SMARCC2: variants seen among roughly 807,000 people sequenced by gnomAD.
SMARCC2 encodes the protein SWI/SNF related BAF chromatin remodeling complex subunit C2, also known as SWI/SNF complex subunit SMARCC2.
In SMARCC2, 15 loss-of-function variants were observed where a neutral mutation model predicts 151.3. The observed-to-expected ratio is 0.10, with a 90% CI of 0.07 to 0.15. SMARCC2 has a LOEUF of 0.15. Ranked by LOEUF, SMARCC2 falls within the 10% of genes least tolerant of loss-of-function variation. SMARCC2 has a pLI of 1.00. For synonymous variants in SMARCC2, 590 were observed against 609.5 expected (o/e 0.97, Z 0.47); for missense variants, 1,031 against 1,599.7 (o/e 0.64, Z 6.06).
Position 56,170,281 on chromosome 12 carries a change from T to A in SMARCC2, c.2348-73A>T, listed in dbSNP as rs570503109. 9,859 of 1,308,156 alleles carry A rather than the reference T, an allele frequency of 7.5e-3. 73 individuals are homozygous for A. The highest frequency in any genetic ancestry group is 8.1e-3 in the Non-Finnish European group (7,465 of 917,020). 81.0% of individuals were successfully genotyped at this position (1,308,156 alleles called of 1,614,324 possible). On this transcript the variant is annotated intron_variant, in intron 22 of 28. Transcript: ENST00000550164. ...TCGTCTGTGTCTAACACTTTTCTTTTTTTTTAGAGACAGGGTCTTGCTGTG... is the reference window on the plus strand; with the variant it reads ...TCGTCTGTGTCTAACACTTTTCTTTATTTTTAGAGACAGGGTCTTGCTGTG...
intron 15 of SMARCC2, among the ~76,000 whole-genome samples, chr12:56,175,518 G>C (rs2135704386): frequency 6.6e-6 from 1 of 152,264 alleles, no homozygotes; most frequent in South Asian, 2.1e-4. Flanking sequence ...TTAAACCTCA[G>C]TTTCCTCATT....
chr12:56,179,099 A>C, intron 11 of SMARCC2, 43 bp from the exon 12 acceptor site: 1 of 1,562,910 alleles, frequency 6.4e-7, no homozygotes, highest in Non-Finnish European at 8.8e-7. Flanking sequence ...ATTTTGCCTA[A>C]TTCAAGCCTT....
rs1490089663 is a variant in SMARCC2 at position 56,171,640 on chromosome 12, A to C, written c.2185+39T>G. 1 of 1,523,210 alleles carries C rather than the reference A, an allele frequency of 6.6e-7. No homozygotes were observed. Among genetic ancestry groups the C allele is most frequent in the East Asian group, 2.3e-5 (1 of 44,176 alleles). 94.4% of individuals were successfully genotyped at this position (1,523,210 alleles called of 1,614,324 possible). A position where few individuals can be genotyped will look rare whatever the true frequency, so the allele number is the denominator to read the frequency against. ...TCTGAGTAACTAGCCCTTCAAAAGC[A>C]AACTAAGAAGGCCAGGTGGAACCAC... On this transcript the variant is annotated intron_variant, in intron 21 of 28. Coordinates refer to ENST00000550164, the MANE Select transcript of SMARCC2 (RefSeq NM_001330288.2). The surrounding 1 kb of genome is among the most constrained non-coding windows in gnomAD (Gnocchi z 4.2).
At chr12:56,185,979 T>C in intron 3 of SMARCC2, 176 bp downstream of exon 3, 1 of 615,698 alleles carries the variant, frequency 1.6e-6, no homozygotes, top group Non-Finnish European at 2.9e-6. Context: ...ACACTCACTC[T>C]TGGAGACTGT....
intron 11 of SMARCC2, among the ~76,000 whole-genome samples, chr12:56,179,571 A>G (rs1018499237): frequency 4.6e-5 from 7 of 152,238 alleles, no homozygotes; most frequent in African/African-American, 1.7e-4. Flanking sequence ...AGTCTACAGA[A>G]TACAGACTGT....
chr12:56,165,805 G>A (rs1332592003), intron 26 of SMARCC2, 106 bp from the exon 27 acceptor site: 2 of 1,154,078 alleles, frequency 1.7e-6, no homozygotes, highest in African/African-American at 3.0e-5. Flanking sequence ...CTCTCAATCA[G>A]AAGGTTCCCA....
At chr12:56,181,929 C>T (rs1194056858) in intron 8 of SMARCC2, 75 bp downstream of exon 8, 4 of 1,590,212 alleles carry the variant, frequency 2.5e-6, no homozygotes, top group Non-Finnish European at 3.4e-6. Context: ...GGCATACAAG[C>T]CTCTGTTTCA....
chr12:56,165,861 CTT>C (rs1872686258), intron 26 of SMARCC2, among the ~76,000 whole-genome samples, 162 bp from the exon 27 acceptor site: 1 of 152,238 alleles, frequency 6.6e-6, no homozygotes, highest in African/African-American at 2.4e-5. Context: ...CCCCACCCGA[CTT>C]CGTGCAAATT....
rs777760495 is a variant in SMARCC2, at chr12:56,181,515, G to A, written c.923C>T (p.Thr308Ile). 3 of 1,561,382 alleles carry A rather than the reference G, an allele frequency of 1.9e-6. No homozygotes were observed. Among genetic ancestry groups the A allele is most frequent in the African/African-American group, 1.4e-5 (1 of 72,620 alleles). The change falls in exon 10 of 29, where the codon ACC becomes ATC. Residue 308 changes from threonine to isoleucine, a missense_variant. By Grantham distance (89) the Thr-to-Ile change is moderately conservative. Coordinates refer to ENST00000550164, the MANE Select transcript of SMARCC2 (RefSeq NM_001330288.2). ...KRKRSPSPSPTPEAKKKNAKK... is the reference protein window; with the variant it reads ...KRKRSPSPSPIPEAKKKNAKK... ...AGCATTTTTCTTCTTTGCTTCTGGG[G>A]TTGGTGAAGGAGAGGGGGAGCGCTT...
At chr12:56,180,023 T>C (rs76607797) in intron 11 of SMARCC2, among the ~76,000 whole-genome samples, 1 of 152,108 alleles carries the variant, frequency 6.6e-6, no homozygotes, top group Non-Finnish European at 1.5e-5. Context: ...CATTTTTCAA[T>C]TTTTTAGATA....
chr12:56,165,550 G>T lies in SMARCC2; in HGVS notation c.3000C>A (p.Ser1000=). Residue 1000 remains serine (S), a synonymous_variant, in exon 27 of 29, where the codon TCC becomes TCA. Transcript: ENST00000550164. ...QQPPPALPPG[S]QPIPPTGAAG... Reference sequence around the variant, plus strand: ...CAGCCCCTGTTGGGGGGATAGGCTGGGAGCCTGGGGGCAGGGCTGGTGGTG... The same window carrying T: ...CAGCCCCTGTTGGGGGGATAGGCTGTGAGCCTGGGGGCAGGGCTGGTGGTG... 1 of 1,612,656 alleles carries T rather than the reference G, an allele frequency of 6.2e-7. No individual in the cohort carries two copies.
intron 18 of SMARCC2, 75 bp downstream of exon 18, chr12:56,172,862 G>A (rs1485460236): frequency 6.3e-7 from 1 of 1,577,618 alleles, no homozygotes. Flanking sequence ...CTGCTCTCAT[G>A]TCTCTTCTTC....
chr12:56,181,634 A>G, intron 9 of SMARCC2, 37 bp from the exon 10 acceptor site: 1 of 1,611,482 alleles, frequency 6.2e-7, no homozygotes. Context: ...GTCAGCCTAC[A>G]ATCCCCACTG....
intron 2 of SMARCC2, 101 bp downstream of exon 2, chr12:56,187,085 CA>C: frequency 1.5e-6 from 2 of 1,320,362 alleles, no homozygotes; most frequent in East Asian, 2.4e-5. Flanking sequence ...ACCCAAATTT[CA>C]AAAATTACAA....
In SMARCC2 at chr12:56,171,460, G is replaced by A. The variant is rs200081011; in HGVS notation, c.2186-28C>T. ...GCAAGACCCAGAAAGAATGAGGCTG[G>A]GAGCGGCACAGTGGAACAGTTCTGG... On this transcript the variant is annotated intron_variant, in intron 21 of 28. Coordinates refer to ENST00000550164, the MANE Select transcript of SMARCC2 (RefSeq NM_001330288.2). This position sits in a 1 kb window ranked among gnomAD's most constrained non-coding sequence, Gnocchi z 4.2. 4.2e-5 allele frequency: 67 copies of A among 1,613,954 alleles called. No homozygotes were observed. Among genetic ancestry groups the A allele is most frequent in the Non-Finnish European group, 2.6e-5 (31 of 1,179,908 alleles).
rs551605792 is a variant in SMARCC2 at position 56,173,215 on chromosome 12, T to A, written c.1651-186A>T. 2.6e-5 allele frequency among the ~76,000 whole-genome samples: 4 copies of A among 152,338 alleles called. No homozygotes were observed. The South Asian group carries it at 8.3e-4, about 32-fold the overall frequency. On this transcript the variant is annotated intron_variant, in intron 17 of 28. Coordinates refer to ENST00000550164, the MANE Select transcript of SMARCC2 (RefSeq NM_001330288.2). ...GATATCCATACATATTCACATTATC[T>A]TTATAGGTTCTCTTAGGAGCTGGAC...
chr12:56,173,677 C>A lies in SMARCC2; in HGVS notation c.1650+19G>T. On this transcript the variant is annotated intron_variant, in intron 17 of 28. Coordinates refer to ENST00000550164, the MANE Select transcript of SMARCC2 (RefSeq NM_001330288.2). Reference sequence around the variant, plus strand: ...CCAATCTTCCCAACCCGCCCCATCCCCATAGCACCTCACCCTACCTGAGGT... The same window carrying A: ...CCAATCTTCCCAACCCGCCCCATCCACATAGCACCTCACCCTACCTGAGGT... 1 of 1,604,264 alleles carries A rather than the reference C, an allele frequency of 6.2e-7. No homozygotes were observed. Among genetic ancestry groups the A allele is most frequent in the South Asian group, 1.1e-5 (1 of 90,024 alleles).
rs1876701371 is a variant in SMARCC2 at position 56,183,733 on chromosome 12, G to C, written c.632+128C>G. Reference sequence around the variant, plus strand: ...CCCCAAGACAGAGGTTCACTTACTAGGTGAGAGGAAAACAAATTAAGTGAT... The same window carrying C: ...CCCCAAGACAGAGGTTCACTTACTACGTGAGAGGAAAACAAATTAAGTGAT... On this transcript the variant is annotated intron_variant, in intron 7 of 28. Coordinates refer to ENST00000550164, the MANE Select transcript of SMARCC2 (RefSeq NM_001330288.2). 4.8e-6 allele frequency: 3 copies of C among 621,918 alleles called. No homozygotes were observed. In the South Asian group the frequency reaches 6.3e-5, roughly 13 times the overall value. 38.5% of individuals were successfully genotyped at this position (621,918 alleles called of 1,614,324 possible). A position where few individuals can be genotyped will look rare whatever the true frequency, so the allele number is the denominator to read the frequency against.
Position 56,165,654 on chromosome 12 carries a change from G to C in SMARCC2, c.2896C>G (p.His966Asp). ...QQLLADRQAF[H>D]MEQLKYAEMR... is the part of the protein sequence containing the mutation. ...TCCGCATACTTCAGCTGCTCCATGT[G>C]GAAGGCTTGTCTGTCGGCCAGGAGC... is the stretch of plus-strand genomic sequence containing the variant. The change falls in exon 27 of 29, where the codon CAC becomes GAC. Residue 966 changes from histidine to aspartate, a missense_variant. Coordinates refer to ENST00000550164, the MANE Select transcript of SMARCC2 (RefSeq NM_001330288.2). 6.2e-7 allele frequency: 1 copy of C among 1,613,020 alleles called. No individual in the cohort carries two copies. The highest frequency in any genetic ancestry group is 8.5e-7 in the Non-Finnish European group (1 of 1,180,040).
Sources: allele counts gnomAD v4.1 joint callset (sites outside exome capture counted in the v4.1 genomes callset), GRCh38; gene constraint gnomAD v4.1.1; non-coding constraint Gnocchi (gnomAD v3.1); transcripts MANE v1.5; gene names NCBI Gene and HGNC (gene_info 2026-07-23, HGNC 2026-07-21).